Variants in STK3 observed in about 807,000 individuals in gnomAD.
STK3 encodes the protein serine/threonine kinase 3.
A neutral mutation model predicts 58.0 loss-of-function variants in STK3; 41 were observed. The observed-to-expected ratio is 0.71, with a 90% CI of 0.55 to 0.92. The LOEUF (loss-of-function observed/expected upper bound fraction) is 0.92. STK3 is among the 40% of genes least tolerant of loss of function. The pLI is 0.00. For synonymous variants in STK3, 170 were observed against 191.0 expected (o/e 0.89, Z 0.91); for missense variants, 479 against 602.7 (o/e 0.79, Z 2.15).
intron 7 of STK3, among the ~76,000 whole-genome samples, chr8:98,585,760 C>T (rs533064171): frequency 6.6e-6 from 1 of 152,280 alleles, no homozygotes; most frequent in East Asian, 1.9e-4. Context: ...TTTGTATCCT[C>T]TTCTATTTTC....
rs541400320 is a variant in STK3, at chr8:98,904,976, G to T, written c.-78-21142C>A. On this transcript the variant is annotated intron_variant, in intron 1 of 1. Transcript: ENST00000519420. The stretch of plus-strand genomic sequence containing the variant: ...CTGCTGCCGCTGCTGCTACTGCCTC[G>T]TAAGAGCAGACCCAGTATCGCTTAT... 1.8e-4 allele frequency: 133 copies of T among 733,446 alleles called. 1 individual carries two copies. In the African/African-American group the frequency reaches 2.2e-3, roughly 12 times the overall value. 45.4% of individuals were successfully genotyped at this position (733,446 alleles called of 1,614,324 possible).
At chr8:98,818,663 A>T (rs1834701581) in intron 1 of STK3, among the ~76,000 whole-genome samples, 1 of 152,156 alleles carries the variant, frequency 6.6e-6, no homozygotes, top group Non-Finnish European at 1.5e-5. Context: ...ACTAATTCAG[A>T]ACTCAAAATA....
chr8:98,469,216 T>C (rs535722400), intron 10 of STK3, among the ~76,000 whole-genome samples: 72 of 141,644 alleles, frequency 5.1e-4, no homozygotes, highest in African/African-American at 1.8e-3. Flanking sequence ...CTTAGATGAT[T>C]ATAATACACG....
intron 1 of STK3, among the ~76,000 whole-genome samples, chr8:98,941,241 C>T (rs1374601): frequency 0.032 from 4,885 of 152,354 alleles, 105 homozygotes; most frequent in Middle Eastern, 0.068. Flanking sequence ...AAATTCTTAG[C>T]CTTTTGCCCT....
At chr8:98,418,893 G>A (rs935671380) in intron 3 of STK3, among the ~76,000 whole-genome samples, 3 of 152,178 alleles carry the variant, frequency 2.0e-5, no homozygotes, top group African/African-American at 7.2e-5. Context: ...GCCACAACCT[G>A]CAGACAAAGA....
intron 6 of STK3, among the ~76,000 whole-genome samples, chr8:98,640,114 C>T (rs1284308366): frequency 1.3e-5 from 2 of 152,082 alleles, no homozygotes; most frequent in Non-Finnish European, 2.9e-5. Context: ...AGTGCAGTGG[C>T]GCGATCACGG....
At chr8:98,712,382 G>C (rs950995528) in intron 4 of STK3, among the ~76,000 whole-genome samples, 3 of 152,032 alleles carry the variant, frequency 2.0e-5, no homozygotes, top group Non-Finnish European at 2.9e-5. Context: ...CTGTATTCAG[G>C]AAACCCATCT....
chr8:98,780,597 T>C (rs1403000458), intron 1 of STK3, among the ~76,000 whole-genome samples: 5 of 152,084 alleles, frequency 3.3e-5, no homozygotes, highest in African/African-American at 1.2e-4. Flanking sequence ...ATAAAAAATG[T>C]CATTATTTTA....
chr8:98,868,744 G>A (rs893127179), intron 3 of STK3, among the ~76,000 whole-genome samples: 6 of 152,130 alleles, frequency 3.9e-5, no homozygotes, highest in East Asian at 3.9e-4. Context: ...CGACGCCGGC[G>A]GATGGCTTGA....
intron 6 of STK3, among the ~76,000 whole-genome samples, chr8:98,623,929 G>A (rs72666665): frequency 0.03 from 4,525 of 152,324 alleles, 98 homozygotes; most frequent in South Asian, 0.061. Flanking sequence ...AAAATAAACT[G>A]TTGTTGTTTA....
Position 98,581,061 on chromosome 8 carries a change from T to A in STK3, c.823-1272A>T, listed in dbSNP as rs891496039. Among the ~76,000 whole-genome samples the A allele has an allele frequency of 2.6e-5, 4 of 152,316 alleles. 1 individual carries two copies. The South Asian group carries it at 8.3e-4, about 32-fold the overall frequency. ...CCTGGTCATACACCAAAAATAGAGT[T>A]GTGGTTGGACCGACAATTGCCCAAC... On this transcript the variant is annotated intron_variant, in intron 7 of 10. Coordinates refer to ENST00000419617, the MANE Select transcript of STK3 (RefSeq NM_006281.4).
intron 10 of STK3, among the ~76,000 whole-genome samples, chr8:98,514,517 G>C: frequency 6.7e-6 from 1 of 150,244 alleles, no homozygotes; most frequent in Middle Eastern, 3.4e-3. Flanking sequence ...ACTGATACCT[G>C]CCCCCACACT....
chr8:98,494,563 G>A (rs893598486), intron 10 of STK3, among the ~76,000 whole-genome samples: 1 of 149,290 alleles, frequency 6.7e-6, no homozygotes, highest in Non-Finnish European at 1.5e-5. Flanking sequence ...GCTAAGGTGG[G>A]TGGATCACTT....
At position 98,608,566 on chromosome 8, in the gene STK3, T is replaced by G. The variant is rs978767009; in HGVS notation, c.685-12397A>C. Among the ~76,000 whole-genome samples, 30 of 152,334 alleles carry G rather than the reference T, an allele frequency of 2.0e-4. 1 individual carries two copies. The highest frequency in any genetic ancestry group is 7.0e-4 in the African/African-American group (29 of 41,576). ...TAAAATTTGGTATATAGTTTATTTT[T>G]TCTAAGTAACTGTATTTTAATATGC... is the stretch of plus-strand genomic sequence containing the variant. On this transcript the variant is annotated intron_variant, in intron 6 of 10. Coordinates refer to ENST00000419617, the MANE Select transcript of STK3 (RefSeq NM_006281.4).
chr8:98,617,703 G>A (rs1229123600), intron 6 of STK3, among the ~76,000 whole-genome samples: 5 of 151,552 alleles, frequency 3.3e-5, no homozygotes, highest in African/African-American at 1.2e-4. Flanking sequence ...AAATAAACTA[G>A]AAAATCTAGA....
At chr8:98,416,362 C>A (rs1818113549) in intron 3 of STK3, among the ~76,000 whole-genome samples, 1 of 87,412 alleles carries the variant, frequency 1.1e-5, no homozygotes, top group Admixed American at 1.7e-4. Flanking sequence ...GTGTTTGAAA[C>A]TGTTTTTTTT....
chr8:98,540,659 G>A (rs562568667), intron 9 of STK3, among the ~76,000 whole-genome samples: 8 of 152,160 alleles, frequency 5.3e-5, no homozygotes, highest in African/African-American at 1.9e-4. Flanking sequence ...CATTGTAGTC[G>A]ACTGAAATTT....
chr8:98,639,088 A>C (rs935684594), intron 6 of STK3, among the ~76,000 whole-genome samples: 4 of 152,046 alleles, frequency 2.6e-5, no homozygotes, highest in African/African-American at 9.7e-5. Context: ...CAGTACTCTA[A>C]AAGTTACAAT....
At chr8:98,767,147 A>C in intron 3 of STK3, 96 bp downstream of exon 3, 2 of 1,356,872 alleles carry the variant, frequency 1.5e-6, no homozygotes, top group Non-Finnish European at 2.0e-6. Context: ...AAAAGAAATG[A>C]AAACTAAACA....
Sources: gnomAD v4.1 joint callset for allele counts (sites outside exome capture counted in the v4.1 genomes callset) on GRCh38, gnomAD v4.1.1 for gene constraint, MANE v1.5 for transcripts, NCBI Gene and HGNC (gene_info 2026-07-23, HGNC 2026-07-21) for gene names.